Variants in MYT1L observed in about 807,000 individuals in gnomAD.
MYT1L encodes the protein myelin transcription factor 1 like, also known as myelin transcription factor 1-like protein.
A neutral mutation model predicts 126.7 loss-of-function variants in MYT1L; 12 were observed. The observed-to-expected ratio is 0.09, with a 90% confidence interval of 0.06 to 0.15. The LOEUF is 0.15. Ranked by LOEUF, MYT1L falls within the 10% of genes least tolerant of loss-of-function variation. The pLI is 1.00. For synonymous variants in MYT1L, 541 were observed against 604.2 expected (o/e 0.90, Z 1.53); for missense variants, 979 against 1,585.2 (o/e 0.62, Z 6.49).
intron 8 of MYT1L, among the ~76,000 whole-genome samples, chr2:1,947,257 G>A (rs928974219): frequency 9.2e-5 from 14 of 152,172 alleles, no homozygotes; most frequent in South Asian, 2.1e-4. Flanking sequence ...ACGCACAGCC[G>A]CCCTCCTTTT....
At chr2:2,162,668 A>G (rs2088215846) in intron 3 of MYT1L, among the ~76,000 whole-genome samples, 1 of 152,214 alleles carries the variant, frequency 6.6e-6, no homozygotes, top group Admixed American at 6.5e-5. Flanking sequence ...CAGATTCCGC[A>G]GGGCAGGGCC....
intron 3 of MYT1L, among the ~76,000 whole-genome samples, chr2:2,068,993 G>A (rs2150214139): frequency 6.6e-6 from 1 of 151,960 alleles, no homozygotes; most frequent in South Asian, 2.1e-4. Flanking sequence ...TGGGACTGGG[G>A]CAGATTTAAG....
At chr2:1,890,165 G>A (rs1028128687) in intron 15 of MYT1L, among the ~76,000 whole-genome samples, 1 of 151,794 alleles carries the variant, frequency 6.6e-6, no homozygotes, top group Non-Finnish European at 1.5e-5. Flanking sequence ...CACCTCCCAG[G>A]TTCAAGCAAT....
chr2:2,158,331 T>C (rs2087082693), intron 3 of MYT1L, among the ~76,000 whole-genome samples: 1 of 152,190 alleles, frequency 6.6e-6, no homozygotes, highest in African/African-American at 2.4e-5. Context: ...AGGAAAGGTT[T>C]GGCAGACTCC....
intron 1 of MYT1L, among the ~76,000 whole-genome samples, chr2:2,322,288 A>G (rs563397389): frequency 2.0e-5 from 3 of 152,192 alleles, no homozygotes; most frequent in Admixed American, 1.3e-4. Context: ...TACACAGGGT[A>G]CTTAAGTCAA....
chr2:2,056,403 T>C (rs2069566496), intron 3 of MYT1L, among the ~76,000 whole-genome samples: 1 of 152,170 alleles, frequency 6.6e-6, no homozygotes, highest in South Asian at 2.1e-4. Flanking sequence ...ATTTATGAGA[T>C]GTAGATTTAA....
intron 18 of MYT1L, among the ~76,000 whole-genome samples, chr2:1,873,391 T>C (rs1360212837): frequency 2.0e-5 from 3 of 152,068 alleles, no homozygotes; most frequent in Non-Finnish European, 2.9e-5. Context: ...TGTCATGATA[T>C]GAGAAAAAAA....
intron 8 of MYT1L, among the ~76,000 whole-genome samples, chr2:1,971,156 G>C (rs1254021667): frequency 6.6e-6 from 1 of 152,112 alleles, no homozygotes; most frequent in Non-Finnish European, 1.5e-5. Flanking sequence ...CTCCAGCCTG[G>C]GGGAACGGGG....
intron 4 of MYT1L, among the ~76,000 whole-genome samples, chr2:2,048,448 G>T (rs1473159986): frequency 2.0e-5 from 3 of 152,176 alleles, no homozygotes. Context: ...AAATCCATTT[G>T]TGTGAAGCTT....
intron 2 of MYT1L, among the ~76,000 whole-genome samples, chr2:2,193,420 A>T (rs554349556): frequency 2.0e-5 from 3 of 152,316 alleles, no homozygotes; most frequent in Admixed American, 6.5e-5. Flanking sequence ...CAGCAAAGTC[A>T]TGTGCCCTGG....
chr2:2,114,755 C>G (rs578206345), intron 3 of MYT1L, among the ~76,000 whole-genome samples: 3 of 152,168 alleles, frequency 2.0e-5, no homozygotes, highest in Non-Finnish European at 4.4e-5. Flanking sequence ...GGTGGCCAGA[C>G]CCAGGATCTT....
At chr2:2,089,410 A>C (rs1281449553) in intron 3 of MYT1L, among the ~76,000 whole-genome samples, 1 of 152,226 alleles carries the variant, frequency 6.6e-6, no homozygotes, top group Non-Finnish European at 1.5e-5. Flanking sequence ...GCAGAGCCTC[A>C]GGAGATCCAT....
At chr2:2,268,866 G>T (rs1415881769) in intron 2 of MYT1L, among the ~76,000 whole-genome samples, 1 of 152,124 alleles carries the variant, frequency 6.6e-6, no homozygotes, top group Non-Finnish European at 1.5e-5. Context: ...TTATTATGAA[G>T]ATAAATCTGT....
At position 2,059,893 on chromosome 2, in the gene MYT1L, G is replaced by C. The variant is rs2070162383; in HGVS notation, c.-303-5770C>G. ...ATGGTTTTCTCTTGACTCTGTCAGA[G>C]AATTTAGCATACCATGCTGTAACTG... is the stretch of plus-strand genomic sequence containing the variant. On this transcript the variant is annotated intron_variant, in intron 3 of 24. Coordinates refer to ENST00000647738, the MANE Select transcript of MYT1L (RefSeq NM_001303052.2). This position sits in a 1 kb window ranked among gnomAD's most constrained non-coding sequence, Gnocchi z 4.7. Among the ~76,000 whole-genome samples the C allele has an allele frequency of 6.6e-6, 1 of 152,136 alleles. No individual in the cohort carries two copies. The highest frequency in any genetic ancestry group is 2.1e-4 in the South Asian group (1 of 4,820).
intron 3 of MYT1L, among the ~76,000 whole-genome samples, chr2:2,094,357 G>C (rs1575120790): frequency 1.3e-5 from 2 of 152,324 alleles, no homozygotes; most frequent in South Asian, 4.1e-4. Flanking sequence ...GGAAGACAGT[G>C]TGGCAGTGAT....
rs112365274 is a variant in MYT1L at position 1,958,454 on chromosome 2, G to T, written c.153-15120C>A. ...GCCACTGCAGATGGAACCCAGATAGGGTTGCTTTATCACTACAGGTGTTAG... is the reference window on the plus strand; with the variant it reads ...GCCACTGCAGATGGAACCCAGATAGTGTTGCTTTATCACTACAGGTGTTAG... On this transcript the variant is annotated intron_variant, in intron 8 of 24. Transcript: ENST00000647738. Among the ~76,000 whole-genome samples, 418 of 152,336 alleles carry T rather than the reference G, an allele frequency of 2.7e-3. 4 individuals are homozygous for T. The highest frequency in any genetic ancestry group is 9.5e-3 in the African/African-American group (394 of 41,576).
chr2:2,168,252 G>C (rs796825042), intron 3 of MYT1L, among the ~76,000 whole-genome samples: 7 of 152,280 alleles, frequency 4.6e-5, no homozygotes, highest in African/African-American at 1.7e-4. Flanking sequence ...AAAAAAGACG[G>C]AAGTTTGTGT....
chr2:1,994,223 C>T (rs1288759609), intron 5 of MYT1L, among the ~76,000 whole-genome samples: 1 of 152,204 alleles, frequency 6.6e-6, no homozygotes, highest in Admixed American at 6.5e-5. Flanking sequence ...CCCTGACGGG[C>T]CTGTTCCTTC....
At chr2:1,996,009 G>A (rs534256781) in intron 5 of MYT1L, among the ~76,000 whole-genome samples, 2 of 152,192 alleles carry the variant, frequency 1.3e-5, no homozygotes, top group South Asian at 4.1e-4. Context: ...CTGAAGGAAT[G>A]GTTTACAAGA....
Sources: allele counts gnomAD v4.1 joint callset (sites outside exome capture counted in the v4.1 genomes callset), GRCh38; gene constraint gnomAD v4.1.1; non-coding constraint Gnocchi (gnomAD v3.1); transcripts MANE v1.5; gene names NCBI Gene and HGNC (gene_info 2026-07-23, HGNC 2026-07-21).